TTBK2: variants seen among roughly 807,000 people sequenced by gnomAD.
TTBK2 encodes tau tubulin kinase 2, also known as tau-tubulin kinase 2.
Under a neutral mutation model 110.8 loss-of-function variants are expected in TTBK2, and 28 were observed. The observed-to-expected ratio is 0.25, with a 90% CI of 0.19 to 0.35. TTBK2 has a LOEUF of 0.35. Ranked by LOEUF, TTBK2 falls within the 10% of genes least tolerant of loss-of-function variation. The probability of loss-of-function intolerance (pLI) is 1.00; values close to 1 mark genes in which losing one functional copy is unlikely to be tolerated. For synonymous variants in TTBK2, 532 were observed against 527.3 expected (o/e 1.01, Z -0.12); for missense variants, 1,369 against 1,500.3 (o/e 0.91, Z 1.45).
intron 3 of TTBK2, among the ~76,000 whole-genome samples, chr15:42,866,068 T>C (rs768317282): frequency 6.6e-6 from 1 of 152,184 alleles, no homozygotes; most frequent in Non-Finnish European, 1.5e-5. Context: ...ACCATACTAA[T>C]ACTCAAAAGA....
chr15:42,763,135 TATAC>T lies in TTBK2; in HGVS notation c.1999-9892_1999-9889del, dbSNP rs1422794614. On this transcript the variant is annotated intron_variant, in intron 13 of 14. Transcript: ENST00000267890. ...ATATATATACACATATATATACATA[TATAC>T]ATACATATATATATATACATATATA... 9.1e-4 allele frequency among the ~76,000 whole-genome samples: 85 copies of T among 93,486 alleles called. 2 individuals are homozygous for T. The highest frequency in any genetic ancestry group is 4.7e-3 in the African/African-American group (82 of 17,272). 61.3% of individuals were successfully genotyped at this position (93,486 alleles called of 152,430 possible).
intron 3 of TTBK2, among the ~76,000 whole-genome samples, chr15:42,864,330 A>G (rs557408948): frequency 6.6e-6 from 1 of 152,342 alleles, no homozygotes; most frequent in Non-Finnish European, 1.5e-5. Context: ...AACGCCTATA[A>G]TCCCAGCACT....
chr15:42,889,738 G>A (rs1367068727), intron 1 of TTBK2, among the ~76,000 whole-genome samples: 1 of 151,824 alleles, frequency 6.6e-6, no homozygotes, highest in African/African-American at 2.4e-5. Flanking sequence ...CATTCTACAC[G>A]ACAAATGCTC....
At chr15:42,830,270 C>A (rs1892696173) in intron 4 of TTBK2, among the ~76,000 whole-genome samples, 192 bp from the exon 5 acceptor site, 1 of 152,162 alleles carries the variant, frequency 6.6e-6, no homozygotes, top group Middle Eastern at 3.4e-3. Flanking sequence ...TCACTGCAAC[C>A]TCCACCTCCC....
chr15:42,791,177 C>G (rs554951461), intron 10 of TTBK2, among the ~76,000 whole-genome samples: 1 of 152,134 alleles, frequency 6.6e-6, no homozygotes, highest in African/African-American at 2.4e-5. Context: ...AGCCACGGTG[C>G]CTGGCCAATT....
chr15:42,747,965 G>C (rs534452476), intron 14 of TTBK2, among the ~76,000 whole-genome samples: 7 of 152,100 alleles, frequency 4.6e-5, no homozygotes, highest in African/African-American at 1.4e-4. Context: ...AAACTATAAG[G>C]GTACTGGAAA....
intron 1 of TTBK2, among the ~76,000 whole-genome samples, chr15:42,918,517 G>T (rs868242234): frequency 6.6e-6 from 1 of 152,142 alleles, no homozygotes; most frequent in African/African-American, 2.4e-5. Context: ...ATATAAAAAA[G>T]TGGCTGCCCC....
intron 3 of TTBK2, 71 bp downstream of exon 3, chr15:42,872,540 G>T (rs1172293384): frequency 5.8e-6 from 9 of 1,546,944 alleles, no homozygotes; most frequent in Non-Finnish European, 8.0e-6. Context: ...TGTAATTAAG[G>T]TTCAGGAAGA....
intron 3 of TTBK2, chr15:42,871,395 A>G (rs1894610164): frequency 1.5e-5 from 14 of 961,624 alleles, no homozygotes; most frequent in Non-Finnish European, 1.6e-5. Context: ...CATACACAAA[A>G]TAAGCAGGAG....
intron 11 of TTBK2, among the ~76,000 whole-genome samples, chr15:42,781,829 A>AC (rs1890192625): frequency 6.6e-6 from 1 of 152,174 alleles, no homozygotes; most frequent in Non-Finnish European, 1.5e-5. Context: ...GACAGCGGTT[A>AC]CCTCAGTGGG....
intron 1 of TTBK2, among the ~76,000 whole-genome samples, chr15:42,897,822 G>C (rs1352399334): frequency 8.9e-6 from 1 of 112,980 alleles, no homozygotes; most frequent in Non-Finnish European, 1.7e-5. Flanking sequence ...ACCAGTAGTG[G>C]TACACACACA....
rs2061965676 is a variant in TTBK2 at position 42,757,570 on chromosome 15, T to C, written c.1999-4323A>G. On this transcript the variant is annotated intron_variant, in intron 13 of 14. Transcript: ENST00000267890. The stretch of plus-strand genomic sequence containing the variant: ...AGGGAAACTGAGTCTGCAATAACAT[T>C]ATCTGACAAAATAAAAGGAGAAAAC... 1.3e-5 allele frequency among the ~76,000 whole-genome samples: 2 copies of C among 152,174 alleles called. 1 individual carries two copies. Among genetic ancestry groups the C allele is most frequent in the South Asian group, 4.1e-4 (2 of 4,834 alleles).
Position 42,739,112 on chromosome 15 carries a change from G to A in TTBK2, c.*6683C>T, listed in dbSNP as rs549757954. On this transcript the variant is annotated 3_prime_UTR_variant, in exon 15 of 15. Transcript: ENST00000267890. Reference sequence around the variant, plus strand: ...ATTAAATAAATAATTACACTTTTATGTACAGGTGGCCTATACAAAAGCACT... The same window carrying A: ...ATTAAATAAATAATTACACTTTTATATACAGGTGGCCTATACAAAAGCACT... The A allele has an allele frequency of 6.6e-6, 1 of 152,146 alleles. No homozygotes were observed. The highest frequency in any genetic ancestry group is 1.5e-5 in the Non-Finnish European group (1 of 68,028). 9.4% of individuals were successfully genotyped at this position (152,146 alleles called of 1,614,324 possible).
At chr15:42,802,168 G>A (rs1567032891) in intron 9 of TTBK2, 1 of 1,362,694 alleles carries the variant, frequency 7.3e-7, no homozygotes. Context: ...CTGGATGTTG[G>A]GGTCCACCTC....
chr15:42,892,085 A>C (rs1168636107), intron 1 of TTBK2, among the ~76,000 whole-genome samples: 3 of 152,234 alleles, frequency 2.0e-5, no homozygotes, highest in African/African-American at 7.2e-5. Flanking sequence ...ATAATATCCC[A>C]GGTCACAAAA....
chr15:42,897,417 C>A (rs1895707684), intron 1 of TTBK2, among the ~76,000 whole-genome samples: 1 of 151,994 alleles, frequency 6.6e-6, no homozygotes, highest in Non-Finnish European at 1.5e-5. Flanking sequence ...ACCAATCATT[C>A]TTTCAATAAA....
Position 42,753,056 on chromosome 15 carries a change from C to T in TTBK2, c.2190G>A (p.Leu730=), listed in dbSNP as rs554361140. 92 of 1,612,436 alleles carry T rather than the reference C, an allele frequency of 5.7e-5. No individual in the cohort carries two copies. The East Asian group carries it at 2.0e-3, about 34-fold the overall frequency. Residue 730 remains leucine, a synonymous_variant, in exon 14 of 15, where the codon TTG becomes TTA. Coordinates refer to ENST00000267890, the MANE Select transcript of TTBK2 (RefSeq NM_173500.4). ...GACCAATGTGATCTATCTGAAGCCC[C>T]AAATCTGTTCTGCTTCCTCCACTAG... is the stretch of plus-strand genomic sequence containing the variant. ...EPPSGGSRTD[L]GLQIDHIGHD... is the part of the protein sequence containing the mutation.
intron 1 of TTBK2, among the ~76,000 whole-genome samples, chr15:42,893,779 T>C (rs925959212): frequency 2.0e-5 from 3 of 152,048 alleles, no homozygotes; most frequent in Non-Finnish European, 4.4e-5. Flanking sequence ...ATATTAGGAA[T>C]GAAACAGGGG....
rs191844829 is a variant in TTBK2, at chr15:42,873,230, G to A, written c.70-472C>T. ...GCGGCTCACTTGAAGTCAGGAGTTCGAGACCAGCCTGGCCAACATGGTGAA... is the reference window on the plus strand; with the variant it reads ...GCGGCTCACTTGAAGTCAGGAGTTCAAGACCAGCCTGGCCAACATGGTGAA... On this transcript the variant is annotated intron_variant, in intron 2 of 14. Coordinates refer to ENST00000267890, the MANE Select transcript of TTBK2 (RefSeq NM_173500.4). Among the ~76,000 whole-genome samples, 75 of 152,194 alleles carry A rather than the reference G, an allele frequency of 4.9e-4. No individual in the cohort carries two copies. The East Asian group carries it at 9.8e-3, about 20-fold the overall frequency.
Sources: allele counts gnomAD v4.1 joint callset (sites outside exome capture counted in the v4.1 genomes callset), GRCh38; gene constraint gnomAD v4.1.1; transcripts MANE v1.5; gene names NCBI Gene and HGNC (gene_info 2026-07-23, HGNC 2026-07-21).